The following RNF19A variants were observed in gnomAD, a reference collection of about 807,000 sequenced individuals.
RNF19A encodes the protein E3 ubiquitin-protein ligase RNF19A.
A neutral mutation model predicts 75.7 loss-of-function variants in RNF19A; 32 were observed. The ratio of observed to expected loss-of-function variants is 0.42; its 90% CI spans 0.32 to 0.57. The LOEUF (loss-of-function observed/expected upper bound fraction) is 0.57, where lower values mean the gene tolerates loss of function less well. Among genes scored for constraint, RNF19A ranks in the 20% least tolerant of loss-of-function variants. The probability of loss-of-function intolerance (pLI) is 0.10; values close to 1 mark genes in which losing one functional copy is unlikely to be tolerated. For missense variants in RNF19A, 782 were observed against 1,036.3 expected (o/e 0.75, Z 3.37); for synonymous variants, 335 against 345.2 (o/e 0.97, Z 0.33).
At chr8:100,290,817 A>C (rs925056415) in intron 1 of RNF19A, among the ~76,000 whole-genome samples, 1 of 152,208 alleles carries the variant, frequency 6.6e-6, no homozygotes, top group African/African-American at 2.4e-5. Flanking sequence ...CCTAGGCTAC[A>C]AACCTGTACA....
At chr8:100,309,828 C>T (rs1822229862) in intron 1 of RNF19A, 39 bp downstream of exon 1, 1 of 985,630 alleles carries the variant, frequency 1.0e-6, no homozygotes, top group Non-Finnish European at 1.2e-6. Context: ...CCTTCTCTCC[C>T]GCTCCGGGGC....
rs539690060 is a variant in RNF19A at position 100,287,318 on chromosome 8, A to C, written c.674+183T>G. Among the ~76,000 whole-genome samples the C allele has an allele frequency of 1.3e-5, 2 of 152,358 alleles. No homozygotes were observed. The highest frequency in any genetic ancestry group is 2.1e-4 in the South Asian group (1 of 4,824). ...AGTATGTAACGCAGAGACGATATAGAAATGAGTAAGATAGGATCACTGCCT... is the reference window on the plus strand; with the variant it reads ...AGTATGTAACGCAGAGACGATATAGCAATGAGTAAGATAGGATCACTGCCT... On this transcript the variant is annotated intron_variant, in intron 2 of 9. Coordinates refer to ENST00000341084, the MANE Select transcript of RNF19A (RefSeq NM_183419.4). The surrounding 1 kb of genome is among the most constrained non-coding windows in gnomAD (Gnocchi z 4.1).
intron 1 of RNF19A, among the ~76,000 whole-genome samples, chr8:100,297,145 CAATT>C (rs753358814): frequency 6.6e-6 from 1 of 152,090 alleles, no homozygotes; most frequent in Non-Finnish European, 1.5e-5. Context: ...TGAGGTAAGT[CAATT>C]AATAATCTAT....
chr8:100,315,612 T>G (rs979893227), intron 1 of RNF19A, among the ~76,000 whole-genome samples: 3 of 152,220 alleles, frequency 2.0e-5, no homozygotes, highest in Non-Finnish European at 2.9e-5. Flanking sequence ...TCAGTTTCTT[T>G]CCCAGCAGGG....
intron 2 of RNF19A, among the ~76,000 whole-genome samples, chr8:100,276,469 A>G (rs960884275): frequency 3.3e-5 from 5 of 151,998 alleles, no homozygotes; most frequent in African/African-American, 9.7e-5. Context: ...AGAGCAACAC[A>G]GGCCAGGCAT....
upstream of RNF19A, among the ~76,000 whole-genome samples, chr8:100,311,729 AAAAAAAAAAAG>A (rs1302252069): frequency 3.0e-3 from 455 of 151,154 alleles, 2 homozygotes; most frequent in African/African-American, 0.01. Context: ...AAAAAAAAAA[AAAAAAAAAAAG>A]AAAAGAAAAT....
rs573949670 is a variant in RNF19A, at chr8:100,320,854, A to G, written c.-242-7482T>C. On this transcript the variant is annotated intron_variant, in intron 1 of 3. Transcript: ENST00000519527. ...GCAATAAAACGAGACACACAAATTT[A>G]TGGTTTCCTATTATATAAAAGTTAT... is the stretch of plus-strand genomic sequence containing the variant. 1.2e-4 allele frequency among the ~76,000 whole-genome samples: 18 copies of G among 152,358 alleles called. No homozygotes were observed. The East Asian group carries it at 2.5e-3, about 21-fold the overall frequency.
In RNF19A at chr8:100,269,785, A is replaced by G. The variant is rs1820165463; in HGVS notation, c.1028+84T>C. ...TAAAACCAATCCCTTTAAGTATCTT[A>G]TAAAACCCAAATTTAAGACAAGTTA... On this transcript the variant is annotated intron_variant, in intron 4 of 9. Transcript: ENST00000341084. This position sits in a 1 kb window ranked among gnomAD's most constrained non-coding sequence, Gnocchi z 5.7. 8.9e-7 allele frequency: 1 copy of G among 1,129,884 alleles called. No individual in the cohort carries two copies. 70.0% of individuals were successfully genotyped at this position (1,129,884 alleles called of 1,614,324 possible).
Position 100,287,898 on chromosome 8 carries a change from T to G in RNF19A, c.277A>C (p.Ser93Arg). 1 of 1,614,236 alleles carries G rather than the reference T, an allele frequency of 6.2e-7. No homozygotes were observed. The highest frequency in any genetic ancestry group is 8.5e-7 in the Non-Finnish European group (1 of 1,180,044). ...ELNGGVDGIA[S>R]IESIHSEMCT... ...ATTTCAGAATGTATACTTTCAATAC[T>G]TGCAATTCCATCCACCCCGCCATTT... Residue 93 changes from serine to arginine, a missense_variant, in exon 2 of 10, where the codon AGT becomes CGT. Ser to Arg is a moderately radical substitution (Grantham distance 110). Transcript: ENST00000341084. This position sits in a 1 kb window ranked among gnomAD's most constrained non-coding sequence, Gnocchi z 4.1.
chr8:100,267,415 G>A (rs1377480606), intron 5 of RNF19A, among the ~76,000 whole-genome samples: 2 of 151,962 alleles, frequency 1.3e-5, no homozygotes, highest in Admixed American at 1.3e-4. Flanking sequence ...TATCACCCAG[G>A]CTGGAGTGAA....
chr8:100,303,809 G>C (rs1416685500), intron 1 of RNF19A, among the ~76,000 whole-genome samples: 2 of 151,198 alleles, frequency 1.3e-5, no homozygotes, highest in African/African-American at 4.9e-5. Flanking sequence ...GTGGTGGCAG[G>C]TGCCTGTAAT....
At chr8:100,281,376 T>G (rs1357491399) in intron 2 of RNF19A, among the ~76,000 whole-genome samples, 1 of 152,152 alleles carries the variant, frequency 6.6e-6, no homozygotes, top group African/African-American at 2.4e-5. Context: ...AACATACCAA[T>G]GTTCAGTACA....
chr8:100,286,237 T>C (rs528723589), intron 2 of RNF19A, among the ~76,000 whole-genome samples: 119 of 152,302 alleles, frequency 7.8e-4, no homozygotes, highest in Middle Eastern at 6.8e-3. Context: ...AATTTAGCCC[T>C]GCATACGTCC....
upstream of RNF19A, among the ~76,000 whole-genome samples, chr8:100,312,181 T>G (rs535931734): frequency 6.6e-6 from 1 of 152,362 alleles, no homozygotes; most frequent in East Asian, 1.9e-4. Flanking sequence ...CTGTGCTCTC[T>G]GTTCTATATC....
chr8:100,316,980 G>T (rs1297109699), intron 1 of RNF19A, among the ~76,000 whole-genome samples: 1 of 152,204 alleles, frequency 6.6e-6, no homozygotes, highest in Non-Finnish European at 1.5e-5. Context: ...TGGCACTGCT[G>T]GGGGACCCAG....
At chr8:100,295,947 G>A (rs975404411) in intron 1 of RNF19A, among the ~76,000 whole-genome samples, 16 of 152,096 alleles carry the variant, frequency 1.1e-4, no homozygotes, top group African/African-American at 3.9e-4. Context: ...TTTAAGTTAT[G>A]CCATTCATGA....
chr8:100,302,014 C>A (rs1278205981), intron 1 of RNF19A, among the ~76,000 whole-genome samples: 1 of 152,100 alleles, frequency 6.6e-6, no homozygotes, highest in Non-Finnish European at 1.5e-5. Flanking sequence ...CAAGGAATAG[C>A]CAGGAGGCCC....
intron 5 of RNF19A, among the ~76,000 whole-genome samples, chr8:100,267,167 T>G (rs1820023207): frequency 6.6e-6 from 1 of 152,198 alleles, no homozygotes; most frequent in South Asian, 2.1e-4. Context: ...CTACTGAAAC[T>G]TAATCATGGA....
rs981764978 is a variant in RNF19A at position 100,264,929 on chromosome 8, G to A, written c.1192-144C>T. The A allele has an allele frequency of 2.5e-5, 15 of 607,754 alleles. No individual in the cohort carries two copies. The highest frequency in any genetic ancestry group is 2.2e-4 in the African/African-American group (12 of 53,666). The allele number at this position is 607,754 out of a possible 1,614,324, so 37.6% of individuals were successfully genotyped here. A position where few individuals can be genotyped will look rare whatever the true frequency, so the allele number is the denominator to read the frequency against. On this transcript the variant is annotated intron_variant, in intron 5 of 9. Coordinates refer to ENST00000341084, the MANE Select transcript of RNF19A (RefSeq NM_183419.4). The surrounding 1 kb of genome is among the most constrained non-coding windows in gnomAD (Gnocchi z 4.7). ...CTTAGTTCAAGGTAAACCTACTAGT[G>A]TCCTTAAACTATTATATATTCTCAC... is the stretch of plus-strand genomic sequence containing the variant.
Sources: gnomAD v4.1 joint callset for allele counts (sites outside exome capture counted in the v4.1 genomes callset) on GRCh38, gnomAD v4.1.1 for gene constraint, Gnocchi (gnomAD v3.1) non-coding constraint, MANE v1.5 for transcripts, NCBI Gene and HGNC (gene_info 2026-07-23, HGNC 2026-07-21) for gene names.